The following COCH variants were observed in gnomAD, a reference collection of about 807,000 sequenced individuals.
COCH encodes the protein coagulation factor C homolog, cochlin (Limulus polyphemus).
In COCH, 40 loss-of-function variants were observed where a neutral mutation model predicts 54.8. The ratio of observed to expected loss-of-function variants is 0.73; its 90% CI spans 0.57 to 0.95. The LOEUF is 0.95. Among genes scored for constraint, COCH ranks in the 40% least tolerant of loss-of-function variants. The probability of loss-of-function intolerance (pLI) is 0.00; values close to 1 mark genes in which losing one functional copy is unlikely to be tolerated. For missense variants in COCH, 605 were observed against 675.0 expected, an observed-to-expected ratio of 0.90 and a Z score of 1.15; for synonymous variants, 256 against 237.9, an observed-to-expected ratio of 1.08 and a Z score of -0.70.
At chr14:30,885,296 A>G in intron 9 of COCH, 98 bp from the exon 10 acceptor site, 1 of 1,123,270 alleles carries the variant, frequency 8.9e-7, no homozygotes, top group East Asian at 2.5e-5. Flanking sequence ...AGTTCTATAT[A>G]TAATTCTTAA....
rs1124179 is a variant in COCH, at chr14:30,875,167, G to A, written c.82+64G>A. 1,239 of 1,538,750 alleles carry A rather than the reference G, an allele frequency of 8.1e-4. 9 individuals are homozygous for A. The African/African-American group carries it at 0.013, about 17-fold the overall frequency. Reference sequence around the variant, plus strand: ...GGGCTGAGCACCAGCGGGTACAAGCGGGACTCAGATCCAGCCCCTTGGGCT... The same window carrying A: ...GGGCTGAGCACCAGCGGGTACAAGCAGGACTCAGATCCAGCCCCTTGGGCT... On this transcript the variant is annotated intron_variant, in intron 3 of 11. Coordinates refer to ENST00000396618, the MANE Select transcript of COCH (RefSeq NM_004086.3).
intron 11 of COCH, among the ~76,000 whole-genome samples, chr14:30,888,661 G>A (rs1367719129): frequency 6.6e-6 from 1 of 151,946 alleles, no homozygotes; most frequent in Admixed American, 6.6e-5. Flanking sequence ...AGTGGCATGC[G>A]CTTGTAGTCC....
At chr14:30,894,947 A>G, downstream of COCH, 1 of 1,102,428 alleles carries the variant, frequency 9.1e-7, no homozygotes. Context: ...GTGGCATTCA[A>G]CCGATAAACA....
chr14:30,878,855 T>C lies in COCH; in HGVS notation c.284T>C (p.Leu95Pro). 1 of 1,614,204 alleles carries C rather than the reference T, an allele frequency of 6.2e-7. No homozygotes were observed. The highest frequency in any genetic ancestry group is 2.2e-5 in the East Asian group (1 of 44,876). Residue 95 changes from leucine (L) to proline (P), a missense_variant, in exon 5 of 12, where the codon CTA becomes CCA. By Grantham distance (98) the Leu-to-Pro change is moderately conservative (BLOSUM62 -3). Coordinates refer to ENST00000396618, the MANE Select transcript of COCH (RefSeq NM_004086.3). ...GGGGGACCTGTACGAGTCTATAGCC[T>C]ACCTGGTCGAGAAAACTATTCCTCA... ...NSGGPVRVYSLPGRENYSSVD... is the reference protein window; with the variant it reads ...NSGGPVRVYSPPGRENYSSVD...
chr14:30,877,215 C>T lies in COCH; in HGVS notation c.83-357C>T, dbSNP rs568735688. ...CCTGGTTAAGAACTGAGAAGCCAGG[C>T]ACAGTGGCACACCTGTAATCCCAGC... On this transcript the variant is annotated intron_variant, in intron 3 of 11. Coordinates refer to ENST00000396618, the MANE Select transcript of COCH (RefSeq NM_004086.3). This position sits in a 1 kb window ranked among gnomAD's most constrained non-coding sequence, Gnocchi z 8.6. The T allele has an allele frequency of 7.7e-5, 20 of 260,300 alleles. No homozygotes were observed. Among genetic ancestry groups the T allele is most frequent in the African/African-American group, 4.3e-4 (19 of 44,682 alleles). The allele number at this position is 260,300 out of a possible 1,614,324, so 16.1% of individuals were successfully genotyped here. A position where few individuals can be genotyped will look rare whatever the true frequency, so the allele number is the denominator to read the frequency against.
chr14:30,886,270 TATG>T lies in COCH; in HGVS notation c.1442_1444del (p.Asp481del). 1 of 1,614,144 alleles carries T rather than the reference TATG, an allele frequency of 6.2e-7. No individual in the cohort carries two copies. The highest frequency in any genetic ancestry group is 8.5e-7 in the Non-Finnish European group (1 of 1,180,012). On this transcript the variant is annotated inframe_deletion, in exon 11 of 12. Coordinates refer to ENST00000396618, the MANE Select transcript of COCH (RefSeq NM_004086.3). Reference sequence around the variant, plus strand: ...AGTAATTGTCACAGATGGGCAGTCCTATGATGATGTCCAAGGCCCTGCAGCTGC... The same window carrying T: ...AGTAATTGTCACAGATGGGCAGTCCTATGATGTCCAAGGCCCTGCAGCTGC...
rs1895948712 is a variant in COCH at position 30,890,579 on chromosome 14, T to C, written c.*788T>C. The C allele has an allele frequency of 3.1e-6, 3 of 970,330 alleles. No homozygotes were observed. The South Asian group carries it at 1.4e-4, about 46-fold the overall frequency. The allele number at this position is 970,330 out of a possible 1,614,324, so 60.1% of individuals were successfully genotyped here. A position where few individuals can be genotyped will look rare whatever the true frequency, so the allele number is the denominator to read the frequency against. ...TAACTGCAGAAAAAATATTGTAGTT[T>C]GAATATTTAAGCAATAAAACTGCTA... is the stretch of plus-strand genomic sequence containing the variant. On this transcript the variant is annotated 3_prime_UTR_variant, in exon 12 of 12. Coordinates refer to ENST00000396618, the MANE Select transcript of COCH (RefSeq NM_004086.3).
In COCH at chr14:30,889,862, T is replaced by A; in HGVS notation, c.*71T>A. The A allele has an allele frequency of 6.5e-7, 1 of 1,548,840 alleles. No homozygotes were observed. The highest frequency in any genetic ancestry group is 8.7e-7 in the Non-Finnish European group (1 of 1,146,164). The stretch of plus-strand genomic sequence containing the variant: ...TGTGTAAATTGTATTCTCATAATAC[T>A]GAAATGCTTTAGCATACTAGAATCA... On this transcript the variant is annotated 3_prime_UTR_variant, in exon 12 of 12. Transcript: ENST00000396618.
At chr14:30,891,215 A>G (rs1030436496), downstream of COCH, among the ~76,000 whole-genome samples, 5 of 152,164 alleles carry the variant, frequency 3.3e-5, no homozygotes, top group East Asian at 9.6e-4. Context: ...GTTGGTTCCT[A>G]TGAAAGGAGA....
At chr14:30,881,793 C>G (rs911039522) in intron 8 of COCH, among the ~76,000 whole-genome samples, 5 of 145,712 alleles carry the variant, frequency 3.4e-5, no homozygotes, top group Non-Finnish European at 7.6e-5. Context: ...CCCGTCTCTA[C>G]TAAAAATACA....
rs780116790 is a variant in COCH at position 30,889,622 on chromosome 14, C to G, written c.1484C>G (p.Thr495Ser). Residue 495 changes from threonine (T) to serine (S), a missense_variant, in exon 12 of 12, where the codon ACT becomes AGT. Transcript: ENST00000396618. ...PAAAAHDAGITIFSVGVAWAP... is the reference protein window; with the variant it reads ...PAAAAHDAGISIFSVGVAWAP... The stretch of plus-strand genomic sequence containing the variant: ...TAAAATGTTTTCATTGTAGGAATCA[C>G]TATCTTCTCTGTTGGTGTGGCTTGG... 6.2e-7 allele frequency: 1 copy of G among 1,613,814 alleles called. No individual in the cohort carries two copies. Among genetic ancestry groups the G allele is most frequent in the South Asian group, 1.1e-5 (1 of 91,080 alleles).
Position 30,875,115 on chromosome 14 carries a change from A to G in COCH, c.82+12A>G, listed in dbSNP as rs1274477478. 1 of 1,557,312 alleles carries G rather than the reference A, an allele frequency of 6.4e-7. No homozygotes were observed. The highest frequency in any genetic ancestry group is 1.2e-5 in the South Asian group (1 of 85,380). On this transcript the variant is annotated intron_variant, in intron 3 of 11. Coordinates refer to ENST00000396618, the MANE Select transcript of COCH (RefSeq NM_004086.3). ...CAGCGAGGGAGCCGGTGAGTGGGGG[A>G]GCTGGGGTGCGTCCAGGCGGTCGCA...
intron 11 of COCH, among the ~76,000 whole-genome samples, chr14:30,887,349 G>A (rs1437425017): frequency 6.6e-6 from 1 of 151,252 alleles, no homozygotes; most frequent in Non-Finnish European, 1.5e-5. Flanking sequence ...AACTGAGATC[G>A]TGCCATTGTA....
At position 30,886,211 on chromosome 14, in the gene COCH, G is replaced by A. The variant is rs371099832; in HGVS notation, c.1376G>A (p.Gly459Asp). ...AISFTVRNVF[G>D]PIRESPNKNF... is the part of the protein sequence containing the mutation. ...TCCTTCACTGTTAGAAATGTGTTTG[G>A]CCCTATAAGGGAGAGCCCCAACAAG... Residue 459 changes from glycine (G) to aspartate (D), a missense_variant, in exon 11 of 12, where the codon GGC (glycine) becomes GAC (aspartate). By Grantham distance (94) the Gly-to-Asp change is moderately conservative. Coordinates refer to ENST00000396618, the MANE Select transcript of COCH (RefSeq NM_004086.3). 1.2e-6 allele frequency: 2 copies of A among 1,612,002 alleles called. No homozygotes were observed. Among genetic ancestry groups the A allele is most frequent in the South Asian group, 1.1e-5 (1 of 90,946 alleles).
In COCH at chr14:30,885,840, C is replaced by A; in HGVS notation, c.1005C>A (p.Asn335Lys). 1 of 1,614,152 alleles carries A rather than the reference C, an allele frequency of 6.2e-7. No individual in the cohort carries two copies. Among genetic ancestry groups the A allele is most frequent in the Non-Finnish European group, 8.5e-7 (1 of 1,180,014 alleles). Reference protein sequence around the residue: ...NNGFFSYHMPNWFGTTKYVKP... With the variant: ...NNGFFSYHMPKWFGTTKYVKP... ...GCTTCTTCTCTTACCACATGCCCAA[C>A]TGGTTTGGCACCACAAAATACGTAA... Residue 335 changes from asparagine to lysine, a missense_variant, in exon 11 of 12, where the codon AAC becomes AAA. By Grantham distance (94) the Asn-to-Lys change is moderately conservative. Coordinates refer to ENST00000396618, the MANE Select transcript of COCH (RefSeq NM_004086.3).
chr14:30,894,895 T>C, downstream of COCH: 1 of 860,848 alleles, frequency 1.2e-6, no homozygotes, highest in Non-Finnish European at 1.5e-6. Context: ...TTCTTTTTCT[T>C]TTTTTTTTTT....
chr14:30,880,178 A>G (rs1276008521), intron 6 of COCH, among the ~76,000 whole-genome samples: 2 of 152,186 alleles, frequency 1.3e-5, no homozygotes, highest in Non-Finnish European at 1.5e-5. Context: ...AGATATTAAG[A>G]ACATTAGGAT....
At chr14:30,888,180 G>C (rs944036769) in intron 11 of COCH, among the ~76,000 whole-genome samples, 3 of 151,348 alleles carry the variant, frequency 2.0e-5, no homozygotes, top group Admixed American at 6.6e-5. Context: ...TAAACAATCT[G>C]AACTAGAATG....
rs1286735049 is a variant in COCH, at chr14:30,878,841, A to C, written c.270A>C (p.Val90=). ...RGVISNSGGP[V]RVYSLPGREN... ...TAATCAGCAACTCAGGGGGACCTGT[A>C]CGAGTCTATAGCCTACCTGGTCGAG... The change falls in exon 5 of 12, where the codon GTA becomes GTC. Residue 90 remains valine, a synonymous_variant. Coordinates refer to ENST00000396618, the MANE Select transcript of COCH (RefSeq NM_004086.3). The C allele has an allele frequency of 1.9e-6, 3 of 1,614,028 alleles. No homozygotes were observed. Among genetic ancestry groups the C allele is most frequent in the Non-Finnish European group, 2.5e-6 (3 of 1,180,040 alleles).
Sources: allele counts gnomAD v4.1 joint callset (sites outside exome capture counted in the v4.1 genomes callset), GRCh38; gene constraint gnomAD v4.1.1; non-coding constraint Gnocchi (gnomAD v3.1); transcripts MANE v1.5; gene names NCBI Gene and HGNC (gene_info 2026-07-23, HGNC 2026-07-21).